The following SPATA6L variants were observed in gnomAD, a reference collection of about 807,000 sequenced individuals.
SPATA6L encodes the protein spermatogenesis associated 6-like protein.
Under a neutral mutation model 49.2 loss-of-function variants are expected in SPATA6L, and 68 were observed. That is an observed-to-expected ratio of 1.38 (90% CI 1.14 to 1.69). The LOEUF (loss-of-function observed/expected upper bound fraction) is 1.69, where lower values mean the gene tolerates loss of function less well. Ranked by LOEUF, SPATA6L falls within the 40% of genes most tolerant of loss-of-function variation. SPATA6L has a pLI of 0.00. For missense variants in SPATA6L, 668 were observed against 464.3 expected, an observed-to-expected ratio of 1.44 and a Z score of -4.03; for synonymous variants, 198 against 165.7, an observed-to-expected ratio of 1.19 and a Z score of -1.50.
chr9:4,634,223 T>G (rs1383495982), intron 4 of SPATA6L, among the ~76,000 whole-genome samples: 1 of 152,216 alleles, frequency 6.6e-6, no homozygotes, highest in East Asian at 1.9e-4. Context: ...TTCTCATCAG[T>G]TTTTAACCCC....
intron 3 of SPATA6L, among the ~76,000 whole-genome samples, chr9:4,654,128 C>A (rs187499594): frequency 1.7e-4 from 26 of 152,290 alleles, no homozygotes; most frequent in Admixed American, 4.6e-4. Flanking sequence ...AAGATGACTA[C>A]CAATCAAAAT....
At chr9:4,589,670 A>T (rs1821779227) in intron 13 of SPATA6L, among the ~76,000 whole-genome samples, 3 of 152,180 alleles carry the variant, frequency 2.0e-5, no homozygotes, top group Admixed American at 2.0e-4. Context: ...GCTGAGATGT[A>T]CCTTCACATA....
At chr9:4,612,616 C>T (rs1425023838) in intron 9 of SPATA6L, among the ~76,000 whole-genome samples, 1 of 152,170 alleles carries the variant, frequency 6.6e-6, no homozygotes, top group Non-Finnish European at 1.5e-5. Flanking sequence ...ATACCATTTG[C>T]ACCACTGGAC....
At chr9:4,609,351 A>G (rs1174921049) in intron 9 of SPATA6L, among the ~76,000 whole-genome samples, 2 of 152,122 alleles carry the variant, frequency 1.3e-5, no homozygotes, top group Admixed American at 6.5e-5. Context: ...CAAAAAAGAG[A>G]ATTTTAGACC....
chr9:4,658,536 T>C (rs1838833422), intron 2 of SPATA6L, among the ~76,000 whole-genome samples: 1 of 152,190 alleles, frequency 6.6e-6, no homozygotes, highest in Admixed American at 6.5e-5. Flanking sequence ...CATGATTTGT[T>C]TGACTAGTAA....
At chr9:4,604,545 C>A (rs1212017243) in intron 10 of SPATA6L, among the ~76,000 whole-genome samples, 4 of 152,048 alleles carry the variant, frequency 2.6e-5, no homozygotes, top group African/African-American at 9.7e-5. Flanking sequence ...CCAAACCAGG[C>A]CTTTGTTTAC....
chr9:4,663,124 G>C lies in SPATA6L; in HGVS notation c.40-1088C>G, dbSNP rs41279553. 2.5e-3 allele frequency: 4,003 copies of C among 1,614,148 alleles called. 14 individuals carry two copies. The highest frequency in any genetic ancestry group is 5.2e-3 in the Admixed American group (314 of 60,032). On this transcript the variant is annotated intron_variant, in intron 1 of 11. Transcript: ENST00000682582. Reference sequence around the variant, plus strand: ...TGGGCCTTCGTCTTGGGCCTATCCAGGGTCATGCTGGGGCGGCACAATGTC... The same window carrying C: ...TGGGCCTTCGTCTTGGGCCTATCCACGGTCATGCTGGGGCGGCACAATGTC...
rs907461689 is a variant in SPATA6L at position 4,661,890 on chromosome 9, C to G, written c.177+9G>C. 8.1e-6 allele frequency: 13 copies of G among 1,613,016 alleles called. No homozygotes were observed. Among genetic ancestry groups the G allele is most frequent in the Non-Finnish European group, 1.1e-5 (13 of 1,179,352 alleles). The stretch of plus-strand genomic sequence containing the variant: ...AGACAACAAAAGCCAATGAGAAAGT[C>G]AAGATCACCTTTTCAAATCTCATGC... On this transcript the variant is annotated intron_variant, in intron 2 of 11. Coordinates refer to ENST00000682582, the MANE Select transcript of SPATA6L (RefSeq NM_001353486.2).
chr9:4,604,499 C>T (rs890713828), intron 10 of SPATA6L, among the ~76,000 whole-genome samples: 1 of 152,162 alleles, frequency 6.6e-6, no homozygotes, highest in South Asian at 2.1e-4. Context: ...TCTCCCTCCT[C>T]AGCCTCCCAA....
At chr9:4,607,074 C>T (rs866301330) in intron 9 of SPATA6L, among the ~76,000 whole-genome samples, 1,801 of 150,690 alleles carry the variant, frequency 0.012, 21 homozygotes, top group African/African-American at 0.041. Context: ...TGAAATGAAG[C>T]GAGAAGGGAA....
intron 3 of SPATA6L, among the ~76,000 whole-genome samples, chr9:4,637,539 G>A (rs2130590643): frequency 6.6e-6 from 1 of 152,340 alleles, no homozygotes; most frequent in South Asian, 2.1e-4. Context: ...CTAGAAAGGT[G>A]TGAACTCAGA....
intron 9 of SPATA6L, among the ~76,000 whole-genome samples, chr9:4,607,679 G>A (rs1312938413): frequency 3.6e-4 from 54 of 152,096 alleles, no homozygotes; most frequent in East Asian, 2.5e-3. Flanking sequence ...GGTACCAGCC[G>A]CTGCAAAATC....
At position 4,629,288 on chromosome 9, in the gene SPATA6L, A is replaced by G. The variant is rs1467527310; in HGVS notation, c.352-120T>C. On this transcript the variant is annotated intron_variant, in intron 4 of 11. Transcript: ENST00000682582. ...CTTCTGTGTGGCATAATCCACACAC[A>G]TTATCTAAAATATATATGTAATAAG... 9 of 607,238 alleles carry G rather than the reference A, an allele frequency of 1.5e-5. No individual in the cohort carries two copies. The Admixed American group carries it at 1.6e-4, about 10-fold the overall frequency. The allele number at this position is 607,238 out of a possible 1,614,324, so 37.6% of individuals were successfully genotyped here.
intron 10 of SPATA6L, 120 bp downstream of exon 10, chr9:4,605,227 C>T: frequency 1.3e-6 from 1 of 747,144 alleles, no homozygotes; most frequent in Non-Finnish European, 2.3e-6. Context: ...TGGTAAGCCT[C>T]ACAATTTTCC....
At chr9:4,595,303 C>G (rs1410195471), downstream of SPATA6L, among the ~76,000 whole-genome samples, 1 of 152,160 alleles carries the variant, frequency 6.6e-6, no homozygotes, top group Non-Finnish European at 1.5e-5. Flanking sequence ...CTTCCCAGCC[C>G]TGATGTCTAA....
At chr9:4,614,546 A>C (rs180894589) in intron 9 of SPATA6L, among the ~76,000 whole-genome samples, 1 of 152,298 alleles carries the variant, frequency 6.6e-6, no homozygotes, top group Admixed American at 6.5e-5. Flanking sequence ...GCCAACGGGC[A>C]ATGTGTTCTG....
At chr9:4,663,261 T>G (rs1400678321) in intron 1 of SPATA6L, 1 of 1,611,652 alleles carries the variant, frequency 6.2e-7, no homozygotes, top group Non-Finnish European at 8.5e-7. Flanking sequence ...GAGTCAACGA[T>G]GACACCATCT....
intron 4 of SPATA6L, 115 bp from the exon 5 acceptor site, chr9:4,629,283 C>G (rs1830978621): frequency 1.6e-6 from 1 of 628,176 alleles, no homozygotes; most frequent in South Asian, 2.0e-5. Context: ...GCATAATCCA[C>G]ACACATTATC....
intron 9 of SPATA6L, 140 bp from the exon 10 acceptor site, chr9:4,605,580 T>C: frequency 1.7e-6 from 1 of 597,446 alleles, no homozygotes; most frequent in Non-Finnish European, 2.9e-6. Flanking sequence ...ATAGTGTGAT[T>C]TCAATGTCTT....
Sources: gnomAD v4.1 joint callset for allele counts (sites outside exome capture counted in the v4.1 genomes callset) on GRCh38, gnomAD v4.1.1 for gene constraint, MANE v1.5 for transcripts, NCBI Gene and HGNC (gene_info 2026-07-23, HGNC 2026-07-21) for gene names.